The following GID4 variants were observed in gnomAD, a reference collection of about 807,000 sequenced individuals.
GID4 encodes GID complex subunit 4 homolog, also known as glucose-induced degradation protein 4 homolog.
Under a neutral mutation model 32.4 loss-of-function variants are expected in GID4, and 7 were observed. The ratio of observed to expected loss-of-function variants is 0.22; its 90% CI spans 0.12 to 0.41. GID4 has a LOEUF of 0.41. GID4 is among the 10% of genes least tolerant of loss of function. The probability of loss-of-function intolerance (pLI) is 1.00; values close to 1 mark genes in which losing one functional copy is unlikely to be tolerated. For synonymous variants in GID4, 166 were observed against 170.0 expected (o/e 0.98, Z 0.18); for missense variants, 309 against 400.0 (o/e 0.77, Z 1.94).
chr17:18,039,927 C>G lies in GID4; in HGVS notation c.438+25C>G. On this transcript the variant is annotated intron_variant, in intron 1 of 5. Coordinates refer to ENST00000268719, the MANE Select transcript of GID4 (RefSeq NM_024052.5). This position sits in a 1 kb window ranked among gnomAD's most constrained non-coding sequence, Gnocchi z 5.3. ...GGTGAGCGCCGGGCCGGGCCGGGGC[C>G]CGAGGGCCTCCTCGCGGCGCTCACG... 7.4e-7 allele frequency: 1 copy of G among 1,349,880 alleles called. No individual in the cohort carries two copies. The highest frequency in any genetic ancestry group is 9.6e-7 in the Non-Finnish European group (1 of 1,044,704). The allele number at this position is 1,349,880 out of a possible 1,614,324, so 83.6% of individuals were successfully genotyped here.
intron 4 of GID4, among the ~76,000 whole-genome samples, chr17:18,059,942 C>T (rs574916734): frequency 1.3e-5 from 2 of 151,648 alleles, no homozygotes; most frequent in South Asian, 2.1e-4. Context: ...AAAAATTAGC[C>T]GGGCATGTTG....
rs531770476 is a variant in GID4 at position 18,065,111 on chromosome 17, G to A, written c.840-69G>A. ...TGTTGGGTGCTCTGCTTTTTGAGGG[G>A]TTACTAATGTCCTTTGCTCAGGGTG... On this transcript the variant is annotated intron_variant, in intron 5 of 5. Coordinates refer to ENST00000268719, the MANE Select transcript of GID4 (RefSeq NM_024052.5). 6 of 1,120,934 alleles carry A rather than the reference G, an allele frequency of 5.4e-6. No individual in the cohort carries two copies. The Admixed American group carries it at 8.5e-5, about 16-fold the overall frequency. 69.4% of individuals were successfully genotyped at this position (1,120,934 alleles called of 1,614,324 possible).
intron 2 of GID4, among the ~76,000 whole-genome samples, chr17:18,052,932 A>G (rs1338472436): frequency 6.6e-6 from 1 of 151,534 alleles, no homozygotes; most frequent in Non-Finnish European, 1.5e-5. Context: ...GTATTCTAAG[A>G]CTACCTTCAG....
At chr17:18,040,255 C>G (rs948695030) in intron 1 of GID4, among the ~76,000 whole-genome samples, 12 of 152,206 alleles carry the variant, frequency 7.9e-5, no homozygotes, top group Admixed American at 5.9e-4. Context: ...CAGGGACTGC[C>G]ACCAGCCCTT....
At chr17:18,056,438 C>T (rs967980354) in intron 3 of GID4, among the ~76,000 whole-genome samples, 17 of 152,148 alleles carry the variant, frequency 1.1e-4, no homozygotes, top group African/African-American at 4.1e-4. Context: ...ACCATCTGCG[C>T]CCACCCCTGC....
In GID4 at chr17:18,061,711, A is replaced by G. The variant is rs897548246; in HGVS notation, c.709-134A>G. On this transcript the variant is annotated intron_variant, in intron 4 of 5. Coordinates refer to ENST00000268719, the MANE Select transcript of GID4 (RefSeq NM_024052.5). The surrounding 1 kb of genome is among the most constrained non-coding windows in gnomAD (Gnocchi z 4.4). ...AGACCCCACGGGCCCGCCATCACCC[A>G]GCAAGTCTAGGTTAGACTATGAGAT... The G allele has an allele frequency of 1.8e-4, 147 of 828,024 alleles. No homozygotes were observed. In the African/African-American group the frequency reaches 2.3e-3, roughly 13 times the overall value. 51.3% of individuals were successfully genotyped at this position (828,024 alleles called of 1,614,324 possible).
At chr17:18,046,025 C>T (rs1047561757) in intron 2 of GID4, among the ~76,000 whole-genome samples, 1 of 152,106 alleles carries the variant, frequency 6.6e-6, no homozygotes, top group African/African-American at 2.4e-5. Context: ...CTTTAGAAAG[C>T]AAGGAGGAGC....
At chr17:18,057,385 TCA>T in intron 3 of GID4, 1 of 210,554 alleles carries the variant, frequency 4.7e-6, no homozygotes, top group Non-Finnish European at 9.7e-6. Flanking sequence ...TGAGCTGAGA[TCA>T]TGCCATTGCA....
intron 2 of GID4, among the ~76,000 whole-genome samples, chr17:18,052,830 CTCATATAAATT>C (rs2044925557): frequency 6.6e-6 from 1 of 151,974 alleles, no homozygotes; most frequent in Non-Finnish European, 1.5e-5. Flanking sequence ...TATGTTTTTC[CTCATATAAATT>C]GTTTTTAGTT....
intron 1 of GID4, among the ~76,000 whole-genome samples, chr17:18,040,416 T>A (rs188965429): frequency 4.8e-4 from 73 of 152,166 alleles, no homozygotes; most frequent in African/African-American, 1.7e-3. Context: ...TTCCTCCTCC[T>A]GAGATCTCCT....
In GID4 at chr17:18,046,133, G is replaced by A. The variant is rs540449853; in HGVS notation, c.498+927G>A. On this transcript the variant is annotated intron_variant, in intron 2 of 5. Coordinates refer to ENST00000268719, the MANE Select transcript of GID4 (RefSeq NM_024052.5). The stretch of plus-strand genomic sequence containing the variant: ...AATGCCCAGGCTGGACCTAGCTGCA[G>A]GGGGCCTCTGGCCTTTGTCAGCTCT... 2.5e-4 allele frequency among the ~76,000 whole-genome samples: 38 copies of A among 152,306 alleles called. No homozygotes were observed. In the East Asian group the frequency reaches 7.3e-3, roughly 29 times the overall value.
intron 2 of GID4, among the ~76,000 whole-genome samples, chr17:18,049,982 G>A (rs2044894474): frequency 6.6e-6 from 1 of 152,096 alleles, no homozygotes; most frequent in Non-Finnish European, 1.5e-5. Flanking sequence ...GGCAGTATTT[G>A]GTTTTCTGTT....
chr17:18,050,519 G>T (rs1272241147), intron 2 of GID4, among the ~76,000 whole-genome samples: 1 of 152,178 alleles, frequency 6.6e-6, no homozygotes, highest in Non-Finnish European at 1.5e-5. Context: ...TCATTACTTG[G>T]GTTTGGAAGG....
intron 4 of GID4, among the ~76,000 whole-genome samples, chr17:18,060,508 C>T (rs1051403179): frequency 6.6e-6 from 1 of 151,632 alleles, no homozygotes. Flanking sequence ...TGCCATCTAG[C>T]GGGAAACATG....
intron 5 of GID4, among the ~76,000 whole-genome samples, chr17:18,063,103 TAAATA>T (rs1352537803): frequency 7.1e-6 from 1 of 141,354 alleles, no homozygotes; most frequent in Non-Finnish European, 1.5e-5. Context: ...AATAAATAAA[TAAATA>T]AATAAATAAA....
At chr17:18,053,261 C>T (rs1366713944) in intron 2 of GID4, among the ~76,000 whole-genome samples, 1 of 150,034 alleles carries the variant, frequency 6.7e-6, no homozygotes, top group Non-Finnish European at 1.5e-5. Context: ...GATCCTCCCA[C>T]CTCGGCCTCC....
At chr17:18,040,215 C>T (rs908820160) in intron 1 of GID4, among the ~76,000 whole-genome samples, 2 of 152,190 alleles carry the variant, frequency 1.3e-5, no homozygotes, top group African/African-American at 4.8e-5. Context: ...GGCCTGGGTC[C>T]TTCCTCCCCA....
chr17:18,045,111 T>C (rs745949928), intron 1 of GID4, 36 bp from the exon 2 acceptor site: 8 of 1,552,464 alleles, frequency 5.2e-6, no homozygotes, highest in Non-Finnish European at 2.7e-6. Context: ...AGTAAGTTTA[T>C]CTATTTGTGA....
At chr17:18,055,955 A>C (rs1232417150) in intron 3 of GID4, among the ~76,000 whole-genome samples, 1 of 152,114 alleles carries the variant, frequency 6.6e-6, no homozygotes, top group Non-Finnish European at 1.5e-5. Context: ...CCCAGATTCA[A>C]GTGATTCTCA....
Sources: gnomAD v4.1 joint callset for allele counts (sites outside exome capture counted in the v4.1 genomes callset) on GRCh38, gnomAD v4.1.1 for gene constraint, Gnocchi (gnomAD v3.1) non-coding constraint, MANE v1.5 for transcripts, NCBI Gene and HGNC (gene_info 2026-07-23, HGNC 2026-07-21) for gene names.